SYN3: variants seen among roughly 807,000 people sequenced by gnomAD.
SYN3 encodes the protein synapsin-3.
Under a neutral mutation model 65.8 loss-of-function variants are expected in SYN3, and 35 were observed. The observed-to-expected ratio is 0.53, with a 90% confidence interval of 0.41 to 0.70. The LOEUF (loss-of-function observed/expected upper bound fraction) is 0.70. Ranked by LOEUF, SYN3 falls within the 30% of genes least tolerant of loss-of-function variation. The pLI is 0.00. For missense variants in SYN3, 680 were observed against 749.0 expected (o/e 0.91, Z 1.08); for synonymous variants, 270 against 292.9 (o/e 0.92, Z 0.80).
intron 3 of SYN3, among the ~76,000 whole-genome samples, chr22:32,980,237 A>T (rs2052332095): frequency 6.6e-6 from 1 of 152,178 alleles, no homozygotes; most frequent in Admixed American, 6.5e-5. Context: ...CTAGAAAATG[A>T]GAGAGGCAGG....
chr22:32,744,531 T>C (rs2044867474), intron 6 of SYN3, among the ~76,000 whole-genome samples: 1 of 152,226 alleles, frequency 6.6e-6, no homozygotes, highest in Non-Finnish European at 1.5e-5. Flanking sequence ...ATCTATTTAA[T>C]CTTCAGAACC....
intron 6 of SYN3, among the ~76,000 whole-genome samples, chr22:32,736,804 TCA>T (rs1555941902): frequency 6.6e-6 from 1 of 152,188 alleles, no homozygotes; most frequent in Non-Finnish European, 1.5e-5. Flanking sequence ...ATCTAAGGGC[TCA>T]GATTCCTAGC....
rs130536 is a variant in SYN3 at position 32,780,068 on chromosome 22, C to CAAAAA, written c.711+84842_711+84846dup. Among the ~76,000 whole-genome samples the CAAAAA allele has an allele frequency of 6.9e-5, 5 of 72,598 alleles. 1 individual carries two copies. Among genetic ancestry groups the CAAAAA allele is most frequent in the Non-Finnish European group, 7.2e-5 (3 of 41,944 alleles). The allele number at this position is 72,598 out of a possible 152,430, so 47.6% of individuals were successfully genotyped here. On this transcript the variant is annotated intron_variant, in intron 6 of 13. Coordinates refer to ENST00000358763, the MANE Select transcript of SYN3 (RefSeq NM_003490.4). ...TGGGTGACAGAGTGAGATTCTGTCTCAAAAAAAAAAAGAGAGAGAAAAAAA... is the reference window on the plus strand; with the variant it reads ...TGGGTGACAGAGTGAGATTCTGTCTCAAAAAAAAAAAAAAAAGAGAGAGAAAAAAA...
intron 11 of SYN3, 149 bp from the exon 12 acceptor site, chr22:32,528,154 G>A: frequency 1.5e-6 from 1 of 654,354 alleles, no homozygotes; most frequent in Non-Finnish European, 2.5e-6. Context: ...GTGTAGTGAA[G>A]TTCTATATGT....
intron 6 of SYN3, among the ~76,000 whole-genome samples, chr22:32,686,044 C>T (rs1004188656): frequency 1.3e-5 from 2 of 152,004 alleles, no homozygotes; most frequent in East Asian, 1.9e-4. Context: ...AATTTCATGG[C>T]GATTTTCTCT....
chr22:32,780,341 A>T (rs1483553860), intron 6 of SYN3, among the ~76,000 whole-genome samples: 1 of 152,110 alleles, frequency 6.6e-6, no homozygotes, highest in Non-Finnish European at 1.5e-5. Context: ...CTAAAATTAC[A>T]GGTGATCGGA....
intron 4 of SYN3, among the ~76,000 whole-genome samples, chr22:32,910,851 G>T (rs1182927283): frequency 2.0e-5 from 3 of 152,178 alleles, no homozygotes; most frequent in African/African-American, 7.2e-5. Flanking sequence ...TATCATGGCT[G>T]CCTAGATTTT....
chr22:32,694,824 G>A (rs972072757), intron 6 of SYN3, among the ~76,000 whole-genome samples: 3 of 152,192 alleles, frequency 2.0e-5, no homozygotes, highest in African/African-American at 7.2e-5. Flanking sequence ...GAACTTATGA[G>A]TTCCATGCGC....
At chr22:32,823,914 G>T (rs991774718) in intron 6 of SYN3, among the ~76,000 whole-genome samples, 1 of 152,108 alleles carries the variant, frequency 6.6e-6, no homozygotes, top group African/African-American at 2.4e-5. Flanking sequence ...ACACCTATAT[G>T]TCTAAGGGTC....
intron 2 of SYN3, among the ~76,000 whole-genome samples, chr22:32,989,071 G>A (rs759935877): frequency 6.6e-6 from 1 of 152,154 alleles, no homozygotes; most frequent in African/African-American, 2.4e-5. Context: ...GCTAGCAAAT[G>A]AGCTGCTCCC....
At chr22:32,925,152 C>T (rs942520322) in intron 4 of SYN3, among the ~76,000 whole-genome samples, 7 of 152,082 alleles carry the variant, frequency 4.6e-5, no homozygotes, top group Admixed American at 1.3e-4. Context: ...GCAGGAGATG[C>T]CTGTCTCCTA....
At chr22:33,037,087 T>C (rs1056217576) in intron 1 of SYN3, among the ~76,000 whole-genome samples, 15 of 152,346 alleles carry the variant, frequency 9.8e-5, no homozygotes, top group African/African-American at 3.6e-4. Context: ...ATGCACCTCA[T>C]AAACTTCTGT....
In SYN3 at chr22:33,018,373, C is replaced by T. The variant is rs147208107; in HGVS notation, c.-162-11549G>A. On this transcript the variant is annotated intron_variant, in intron 1 of 13. Transcript: ENST00000358763. ...GGAAAAGACAGGAAGGCAGGGAAGA[C>T]GGGCTGGGATAGAACCCAGTAGGCC... is the stretch of plus-strand genomic sequence containing the variant. Among the ~76,000 whole-genome samples, 322 of 152,292 alleles carry T rather than the reference C, an allele frequency of 2.1e-3. 6 individuals are homozygous for T. The East Asian group carries it at 0.055, about 26-fold the overall frequency.
intron 6 of SYN3, among the ~76,000 whole-genome samples, chr22:32,805,266 T>C (rs1458848414): frequency 2.0e-5 from 3 of 152,132 alleles, no homozygotes; most frequent in African/African-American, 7.2e-5. Context: ...CCCCAGAGGA[T>C]GGCCCCTGGA....
At chr22:32,638,244 C>CT (rs1368231329) in intron 6 of SYN3, among the ~76,000 whole-genome samples, 1 of 152,054 alleles carries the variant, frequency 6.6e-6, no homozygotes, top group Non-Finnish European at 1.5e-5. Flanking sequence ...GATTCCATAA[C>CT]TTTGTTACTG....
chr22:32,522,918 C>T (rs2057911608), intron 12 of SYN3, among the ~76,000 whole-genome samples: 1 of 152,064 alleles, frequency 6.6e-6, no homozygotes, highest in African/African-American at 2.4e-5. Context: ...AAGGAGAATA[C>T]TAATGTGTAT....
chr22:32,603,143 G>GT (rs1286353441), intron 6 of SYN3, among the ~76,000 whole-genome samples: 1 of 152,086 alleles, frequency 6.6e-6, no homozygotes, highest in Non-Finnish European at 1.5e-5. Flanking sequence ...TTATTGTCAT[G>GT]TAAGAAGGGC....
chr22:32,658,616 C>T (rs1162308946), intron 6 of SYN3, among the ~76,000 whole-genome samples: 1 of 152,162 alleles, frequency 6.6e-6, no homozygotes, highest in Non-Finnish European at 1.5e-5. Context: ...CAGGCAGGTA[C>T]CATGATCAAC....
intron 6 of SYN3, among the ~76,000 whole-genome samples, chr22:32,659,125 G>A (rs2060182171): frequency 6.6e-6 from 1 of 152,200 alleles, no homozygotes; most frequent in Non-Finnish European, 1.5e-5. Context: ...CGTCCTAACA[G>A]TGTAACCAAG....
Sources: allele counts gnomAD v4.1 joint callset (sites outside exome capture counted in the v4.1 genomes callset), GRCh38; gene constraint gnomAD v4.1.1; transcripts MANE v1.5; gene names NCBI Gene and HGNC (gene_info 2026-07-23, HGNC 2026-07-21).